The following SDHAF3 variants were observed in gnomAD, a reference collection of about 807,000 sequenced individuals.
SDHAF3 encodes the protein succinate dehydrogenase assembly factor 3, mitochondrial.
Under a neutral mutation model 11.5 loss-of-function variants are expected in SDHAF3, and 18 were observed. That is an observed-to-expected ratio of 1.56 (90% CI 1.08 to 2.32). The LOEUF (loss-of-function observed/expected upper bound fraction) is 2.32, where lower values mean the gene tolerates loss of function less well. Ranked by LOEUF, SDHAF3 falls within the 30% of genes most tolerant of loss-of-function variation. The pLI is 0.00. For synonymous variants in SDHAF3, 72 were observed against 59.3 expected (o/e 1.21, Z -0.99); for missense variants, 200 against 154.4 (o/e 1.30, Z -1.57).
intron 1 of SDHAF3, among the ~76,000 whole-genome samples, chr7:97,140,553 C>T (rs929631443): frequency 6.6e-5 from 10 of 152,000 alleles, no homozygotes; most frequent in Non-Finnish European, 1.0e-4. Flanking sequence ...GAACATAAAT[C>T]GTGAAGATTT....
intron 1 of SDHAF3, among the ~76,000 whole-genome samples, chr7:97,145,716 G>A (rs1343037536): frequency 2.6e-5 from 4 of 152,070 alleles, no homozygotes; most frequent in African/African-American, 4.8e-5. Flanking sequence ...TTTGAATCTT[G>A]CTTCCTTTCC....
At chr7:97,150,445 T>G (rs1439546712) in intron 1 of SDHAF3, among the ~76,000 whole-genome samples, 4 of 152,324 alleles carry the variant, frequency 2.6e-5, no homozygotes, top group South Asian at 2.1e-4. Flanking sequence ...ACATAATGGT[T>G]GTTGTATTAG....
At position 97,181,244 on chromosome 7, in the gene SDHAF3, C is replaced by G; in HGVS notation, c.*29C>G. On this transcript the variant is annotated 3_prime_UTR_variant, in exon 2 of 2. Transcript: ENST00000432641. ...ATACAACAAAGCTTAATAAGACATG[C>G]AAAAATTTAGAACCCCTACTTTAAC... 1 of 1,540,658 alleles carries G rather than the reference C, an allele frequency of 6.5e-7. No homozygotes were observed. Among genetic ancestry groups the G allele is most frequent in the African/African-American group, 1.4e-5 (1 of 72,024 alleles).
intron 1 of SDHAF3, among the ~76,000 whole-genome samples, chr7:97,141,442 C>T (rs1375121443): frequency 6.6e-6 from 1 of 152,176 alleles, no homozygotes; most frequent in African/African-American, 2.4e-5. Context: ...CATGTGATGT[C>T]TTCCCCGGAC....
intron 1 of SDHAF3, among the ~76,000 whole-genome samples, chr7:97,169,292 A>G (rs1789566233): frequency 6.7e-6 from 1 of 149,520 alleles, no homozygotes; most frequent in African/African-American, 2.4e-5. Flanking sequence ...CCTGGGCAAC[A>G]AGAGCGAAAC....
At chr7:97,174,254 C>T (rs889776508) in intron 1 of SDHAF3, among the ~76,000 whole-genome samples, 8 of 152,190 alleles carry the variant, frequency 5.3e-5, no homozygotes, top group Non-Finnish European at 1.0e-4. Context: ...TTAGTCAATA[C>T]ACCTGTTAAA....
chr7:97,174,046 A>G (rs1789645203), intron 1 of SDHAF3, among the ~76,000 whole-genome samples: 1 of 151,784 alleles, frequency 6.6e-6, no homozygotes, highest in East Asian at 1.9e-4. Context: ...CAGCCTTCTG[A>G]GTAGCTGGGA....
chr7:97,163,224 C>T (rs1789442521), intron 1 of SDHAF3, among the ~76,000 whole-genome samples: 1 of 147,372 alleles, frequency 6.8e-6, no homozygotes, highest in Admixed American at 6.9e-5. Flanking sequence ...TCACTGCAAC[C>T]TCAGCCTTCC....
At chr7:97,140,755 T>C (rs1251245317) in intron 1 of SDHAF3, among the ~76,000 whole-genome samples, 3 of 152,020 alleles carry the variant, frequency 2.0e-5, no homozygotes, top group African/African-American at 7.3e-5. Flanking sequence ...AGGATGTATG[T>C]CGCCTCAGGA....
At position 97,135,833 on chromosome 7, in the gene SDHAF3, G is replaced by A. The variant is rs1002441372; in HGVS notation, c.174+17936G>A. On this transcript the variant is annotated intron_variant, in intron 1 of 1. Transcript: ENST00000432641. ...CTCCTGAGTAGCTGGGACTACAGGC[G>A]CCCGCCACCACGCCTGGCTAATTTT... Among the ~76,000 whole-genome samples, 107 of 150,624 alleles carry A rather than the reference G, an allele frequency of 7.1e-4. 1 individual carries two copies. Among genetic ancestry groups the A allele is most frequent in the African/African-American group, 2.5e-3 (102 of 41,090 alleles).
intron 1 of SDHAF3, among the ~76,000 whole-genome samples, chr7:97,126,624 C>T (rs1199432211): frequency 6.6e-6 from 1 of 152,114 alleles, no homozygotes; most frequent in Non-Finnish European, 1.5e-5. Context: ...ACTCAAGCCT[C>T]AGTAATGGCA....
At chr7:97,169,284 T>C (rs1789566136) in intron 1 of SDHAF3, among the ~76,000 whole-genome samples, 1 of 151,486 alleles carries the variant, frequency 6.6e-6, no homozygotes, top group Non-Finnish European at 1.5e-5. Flanking sequence ...CACTCCAGCC[T>C]GGGCAACAAG....
intron 1 of SDHAF3, among the ~76,000 whole-genome samples, chr7:97,172,306 T>G (rs1448187357): frequency 6.6e-6 from 1 of 152,218 alleles, no homozygotes. Flanking sequence ...GAACTATAGT[T>G]AATGTGACCA....
chr7:97,127,939 C>T lies in SDHAF3; in HGVS notation c.174+10042C>T, dbSNP rs542387933. Among the ~76,000 whole-genome samples the T allele has an allele frequency of 1.8e-3, 239 of 132,294 alleles. 1 individual carries two copies. The highest frequency in any genetic ancestry group is 6.8e-3 in the African/African-American group (231 of 33,844). 86.8% of individuals were successfully genotyped at this position (132,294 alleles called of 152,430 possible). A position where few individuals can be genotyped will look rare whatever the true frequency, so the allele number is the denominator to read the frequency against. ...TTTTTTTGACTGAGTCTCCCTCTGT[C>T]GCTGAGGCTGGAGTGCAGTGGCACT... On this transcript the variant is annotated intron_variant, in intron 1 of 1. Coordinates refer to ENST00000432641, the MANE Select transcript of SDHAF3 (RefSeq NM_020186.3).
At chr7:97,131,558 T>G (rs1791671852) in intron 1 of SDHAF3, among the ~76,000 whole-genome samples, 1 of 152,198 alleles carries the variant, frequency 6.6e-6, no homozygotes, top group Admixed American at 6.5e-5. Flanking sequence ...AGGGAAAATA[T>G]ATTTTACCCC....
At chr7:97,139,025 C>G (rs1464804569) in intron 1 of SDHAF3, among the ~76,000 whole-genome samples, 2 of 152,246 alleles carry the variant, frequency 1.3e-5, no homozygotes, top group Admixed American at 6.5e-5. Flanking sequence ...CATTCAGTCC[C>G]ACTGCCCTGC....
At chr7:97,148,744 T>G (rs1046236783) in intron 1 of SDHAF3, among the ~76,000 whole-genome samples, 2 of 152,214 alleles carry the variant, frequency 1.3e-5, no homozygotes, top group Non-Finnish European at 2.9e-5. Context: ...ACTTTTTATA[T>G]GTGCGTAAGA....
At chr7:97,141,961 G>A (rs753005935) in intron 1 of SDHAF3, among the ~76,000 whole-genome samples, 18 of 148,004 alleles carry the variant, frequency 1.2e-4, no homozygotes, top group Non-Finnish European at 2.5e-4. Context: ...AAAAATGAGT[G>A]ATTATTTTTT....
At chr7:97,127,608 T>C (rs1791594647) in intron 1 of SDHAF3, among the ~76,000 whole-genome samples, 1 of 152,172 alleles carries the variant, frequency 6.6e-6, no homozygotes, top group African/African-American at 2.4e-5. Context: ...TAGGATTGGA[T>C]GGGTATTTGG....
Sources: gnomAD v4.1 joint callset for allele counts (sites outside exome capture counted in the v4.1 genomes callset) on GRCh38, gnomAD v4.1.1 for gene constraint, MANE v1.5 for transcripts, NCBI Gene and HGNC (gene_info 2026-07-23, HGNC 2026-07-21) for gene names.